PDE5A: variants seen among roughly 807,000 people sequenced by gnomAD.
PDE5A encodes cGMP-specific 3',5'-cyclic phosphodiesterase.
A neutral mutation model predicts 110.2 loss-of-function variants in PDE5A; 67 were observed. The observed-to-expected ratio is 0.61, with a 90% CI of 0.50 to 0.75. The LOEUF (loss-of-function observed/expected upper bound fraction) is 0.75. Ranked by LOEUF, PDE5A falls within the 30% of genes least tolerant of loss-of-function variation. The pLI is 0.00. For missense variants in PDE5A, 862 were observed against 1,045.1 expected, an observed-to-expected ratio of 0.82 and a Z score of 2.42; for synonymous variants, 328 against 351.2, an observed-to-expected ratio of 0.93 and a Z score of 0.74.
chr4:119,605,596 G>A (rs554212928), intron 2 of PDE5A, among the ~76,000 whole-genome samples: 17 of 151,970 alleles, frequency 1.1e-4, no homozygotes, highest in South Asian at 2.1e-4. Flanking sequence ...GCAGTGAGTC[G>A]AGATCGCGTT....
chr4:119,542,358 A>G lies in PDE5A; in HGVS notation c.1572+101T>C. The G allele has an allele frequency of 3.8e-6, 4 of 1,044,720 alleles. No homozygotes were observed. In the South Asian group the frequency reaches 5.3e-5, roughly 14 times the overall value. The allele number at this position is 1,044,720 out of a possible 1,614,324, so 64.7% of individuals were successfully genotyped here. On this transcript the variant is annotated intron_variant, in intron 10 of 20. Transcript: ENST00000354960. ...TCTAAATCACATAATTTTGGTGAGG[A>G]CACAATGACGGAACACACACACACC...
intron 1 of PDE5A, among the ~76,000 whole-genome samples, chr4:119,626,638 G>A (rs925046711): frequency 6.6e-6 from 1 of 152,188 alleles, no homozygotes; most frequent in African/African-American, 2.4e-5. Context: ...CCTCAGAGGG[G>A]CAGGTGACCC....
intron 3 of PDE5A, among the ~76,000 whole-genome samples, chr4:119,572,599 T>C (rs1306913505): frequency 2.0e-5 from 3 of 152,220 alleles, no homozygotes; most frequent in Non-Finnish European, 4.4e-5. Flanking sequence ...TTAAAAAGTA[T>C]AGAAAATCAC....
At chr4:119,587,541 G>C (rs528336693) in intron 3 of PDE5A, among the ~76,000 whole-genome samples, 1 of 152,030 alleles carries the variant, frequency 6.6e-6, no homozygotes, top group East Asian at 1.9e-4. Context: ...CCGCCACCGC[G>C]CCCGGCTAAT....
At chr4:119,529,939 T>C (rs561914709) in intron 11 of PDE5A, among the ~76,000 whole-genome samples, 24 of 152,094 alleles carry the variant, frequency 1.6e-4, no homozygotes, top group African/African-American at 5.5e-4. Context: ...TGGGAACTTG[T>C]TAAAAATGCA....
chr4:119,510,412 T>G (rs1187958311), intron 15 of PDE5A, among the ~76,000 whole-genome samples: 1 of 152,056 alleles, frequency 6.6e-6, no homozygotes, highest in Non-Finnish European at 1.5e-5. Context: ...TTTTTTCTTA[T>G]TATTAAGGTA....
intron 2 of PDE5A, among the ~76,000 whole-genome samples, chr4:119,600,775 A>T (rs994960953): frequency 6.6e-6 from 1 of 152,192 alleles, no homozygotes; most frequent in Non-Finnish European, 1.5e-5. Flanking sequence ...TAATAAATAT[A>T]AGAGGTATGA....
chr4:119,586,443 A>T (rs983292480), intron 3 of PDE5A, among the ~76,000 whole-genome samples: 2 of 152,230 alleles, frequency 1.3e-5, no homozygotes, highest in Non-Finnish European at 2.9e-5. Context: ...CAGGGTATTT[A>T]ACACTTGATA....
rs779640635 is a variant in PDE5A at position 119,627,162 on chromosome 4, C to G, written c.152+1358G>C. The G allele has an allele frequency of 3.1e-6, 5 of 1,613,290 alleles. No individual in the cohort carries two copies. Among genetic ancestry groups the G allele is most frequent in the African/African-American group, 1.3e-5 (1 of 74,990 alleles). On this transcript the variant is annotated intron_variant, in intron 1 of 20. Transcript: ENST00000354960. The surrounding 1 kb of genome is among the most constrained non-coding windows in gnomAD (Gnocchi z 4.6). ...CTGAAGGAAGTACCTTGTTTTGTCT[C>G]CAAAGGGCAACATAGCAAACGTGGG... is the stretch of plus-strand genomic sequence containing the variant.
At chr4:119,527,865 A>C (rs1327304947) in intron 11 of PDE5A, among the ~76,000 whole-genome samples, 1 of 152,100 alleles carries the variant, frequency 6.6e-6, no homozygotes, top group African/African-American at 2.4e-5. Context: ...ATGGTTGGGT[A>C]ATCCAATTCA....
In PDE5A at chr4:119,596,619, T is replaced by C. The variant is rs200678800; in HGVS notation, c.742-7A>G. 81 of 1,526,990 alleles carry C rather than the reference T, an allele frequency of 5.3e-5. No homozygotes were observed. The African/African-American group carries it at 8.1e-4, about 15-fold the overall frequency. The allele number at this position is 1,526,990 out of a possible 1,614,324, so 94.6% of individuals were successfully genotyped here. On this transcript the variant is annotated splice_polypyrimidine_tract_variant and splice_region_variant and intron_variant, in intron 2 of 20. Coordinates refer to ENST00000354960, the MANE Select transcript of PDE5A (RefSeq NM_001083.4). Reference sequence around the variant, plus strand: ...CTGCATTGAACCGAGGATCCTAGTATGGAAAAAGAAATTCAATTTAATGAC... The same window carrying C: ...CTGCATTGAACCGAGGATCCTAGTACGGAAAAAGAAATTCAATTTAATGAC...
chr4:119,505,201 G>A (rs1421315402), intron 17 of PDE5A, among the ~76,000 whole-genome samples: 1 of 151,908 alleles, frequency 6.6e-6, no homozygotes, highest in Non-Finnish European at 1.5e-5. Flanking sequence ...ATGCTTGTAT[G>A]ATTTAATTCT....
At chr4:119,500,953 T>A (rs190312338) in intron 20 of PDE5A, 10 of 506,244 alleles carry the variant, frequency 2.0e-5, no homozygotes, top group African/African-American at 1.9e-4. Context: ...CCAAATCAAT[T>A]TGTTGGAGAT....
intron 1 of PDE5A, among the ~76,000 whole-genome samples, chr4:119,619,029 C>G (rs995470421): frequency 6.6e-6 from 1 of 152,064 alleles, no homozygotes; most frequent in African/African-American, 2.4e-5. Context: ...TTTTCAATGC[C>G]TTTTTCATTA....
At chr4:119,519,601 A>G (rs888072534) in intron 13 of PDE5A, 2 of 153,758 alleles carry the variant, frequency 1.3e-5, no homozygotes, top group African/African-American at 4.8e-5. Context: ...GGCTTTAAAA[A>G]GTTACATAAT....
At chr4:119,562,652 C>T (rs985047349) in intron 6 of PDE5A, among the ~76,000 whole-genome samples, 181 bp downstream of exon 6, 2 of 152,138 alleles carry the variant, frequency 1.3e-5, no homozygotes, top group African/African-American at 4.8e-5. Context: ...ACACCCTCCA[C>T]CCTCCACCCC....
chr4:119,606,509 C>A (rs910676759), intron 2 of PDE5A, among the ~76,000 whole-genome samples, 200 bp downstream of exon 2: 1 of 152,046 alleles, frequency 6.6e-6, no homozygotes, highest in Admixed American at 6.6e-5. Context: ...AACTGAACCA[C>A]CAGGAAAGAA....
At chr4:119,581,733 G>A (rs1728596242) in intron 3 of PDE5A, among the ~76,000 whole-genome samples, 1 of 152,160 alleles carries the variant, frequency 6.6e-6, no homozygotes. Flanking sequence ...GAGATATTGT[G>A]GGTTTGGTTT....
At chr4:119,505,216 A>G (rs28405434) in intron 17 of PDE5A, among the ~76,000 whole-genome samples, 1,997 of 152,000 alleles carry the variant, frequency 0.013, 43 homozygotes, top group African/African-American at 0.045. Flanking sequence ...AATTCTCTAC[A>G]TTGAACTCTA....
Sources: gnomAD v4.1 joint callset for allele counts (sites outside exome capture counted in the v4.1 genomes callset) on GRCh38, gnomAD v4.1.1 for gene constraint, Gnocchi (gnomAD v3.1) non-coding constraint, MANE v1.5 for transcripts, NCBI Gene and HGNC (gene_info 2026-07-23, HGNC 2026-07-21) for gene names.